The following TMEM63B variants were observed in gnomAD, a reference collection of about 807,000 sequenced individuals.
TMEM63B encodes transmembrane protein 63B, also known as mechanosensitive cation channel TMEM63B.
A neutral mutation model predicts 102.6 loss-of-function variants in TMEM63B; 23 were observed. The observed-to-expected ratio is 0.22, with a 90% confidence interval of 0.16 to 0.32. The LOEUF (loss-of-function observed/expected upper bound fraction) is 0.32. Among genes scored for constraint, TMEM63B ranks in the 10% least tolerant of loss-of-function variants. The probability of loss-of-function intolerance (pLI) is 1.00; values close to 1 mark genes in which losing one functional copy is unlikely to be tolerated. For missense variants in TMEM63B, 628 were observed against 1,095.9 expected (o/e 0.57, Z 6.03); for synonymous variants, 444 against 437.0 (o/e 1.02, Z -0.20).
intron 6 of TMEM63B, among the ~76,000 whole-genome samples, 199 bp from the exon 7 acceptor site, chr6:44,139,267 TC>T (rs1407385649): frequency 2.0e-5 from 3 of 149,838 alleles, no homozygotes; most frequent in Non-Finnish European, 4.4e-5. Flanking sequence ...TTTTTCTCCC[TC>T]CCCCTCTCTT....
chr6:44,139,860 C>G (rs2128237122), intron 8 of TMEM63B, 101 bp downstream of exon 8: 1 of 1,472,428 alleles, frequency 6.8e-7, no homozygotes, highest in East Asian at 2.3e-5. Context: ...GGGAGCAGAG[C>G]CTACAGGGAT....
At chr6:44,126,701 A>G (rs999236951), upstream of TMEM63B, among the ~76,000 whole-genome samples, 24 of 152,352 alleles carry the variant, frequency 1.6e-4, no homozygotes, top group African/African-American at 5.5e-4. Context: ...CAGGAACCAG[A>G]AATTAAATGA....
intron 10 of TMEM63B, 54 bp from the exon 11 acceptor site, chr6:44,146,793 C>T: frequency 1.3e-6 from 2 of 1,568,742 alleles, no homozygotes; most frequent in Non-Finnish European, 1.8e-6. Context: ...GGATGAAAGT[C>T]AGGGGCAGGT....
intron 1 of TMEM63B, among the ~76,000 whole-genome samples, chr6:44,132,615 G>C (rs1264003299): frequency 6.6e-6 from 1 of 152,150 alleles, no homozygotes; most frequent in African/African-American, 2.4e-5. Flanking sequence ...CCAGGGTTCT[G>C]TGCATCTTAT....
intron 1 of TMEM63B, among the ~76,000 whole-genome samples, chr6:44,129,867 G>A (rs1777940833): frequency 6.6e-6 from 1 of 152,090 alleles, no homozygotes; most frequent in Admixed American, 6.5e-5. Context: ...TTAATCCCCA[G>A]AACAACAACA....
In TMEM63B at chr6:44,143,567, GTTGTTTTTGTTT is replaced by G. The variant is rs1554197880; in HGVS notation, c.782+2484_782+2495del. Among the ~76,000 whole-genome samples, 1,179 of 132,078 alleles carry G rather than the reference GTTGTTTTTGTTT, an allele frequency of 8.9e-3. 12 individuals carry two copies. Among genetic ancestry groups the G allele is most frequent in the African/African-American group, 0.032 (1,074 of 33,972 alleles). The allele number at this position is 132,078 out of a possible 152,430, so 86.6% of individuals were successfully genotyped here. On this transcript the variant is annotated intron_variant, in intron 10 of 23. Coordinates refer to ENST00000323267, the MANE Select transcript of TMEM63B (RefSeq NM_018426.3). ...CAGCTTGTATTGAAATCTGGTGTTT[GTTGTTTTTGTTT>G]TTGTTTTTGTTTTTTGATACAAATA...
chr6:44,136,069 C>T (rs1762881658), intron 4 of TMEM63B, among the ~76,000 whole-genome samples: 1 of 152,204 alleles, frequency 6.6e-6, no homozygotes, highest in Admixed American at 6.5e-5. Context: ...GGCATTCTCG[C>T]TTCAGCCTCC....
intron 1 of TMEM63B, chr6:44,132,195 G>A (rs1582759066): frequency 2.2e-6 from 2 of 926,406 alleles, no homozygotes; most frequent in East Asian, 2.3e-4. Flanking sequence ...ATCTGAGTGT[G>A]CCCTGCCTTC....
In TMEM63B at chr6:44,138,736, G is replaced by GTCCCCCCC. The variant is rs567563400; in HGVS notation, c.407+219_407+220insTCCCCCCC. The GTCCCCCCC allele has an allele frequency of 2.6e-3, 743 of 287,674 alleles. 3 individuals are homozygous for GTCCCCCCC. The highest frequency in any genetic ancestry group is 3.2e-3 in the Non-Finnish European group (470 of 147,926). 17.8% of individuals were successfully genotyped at this position (287,674 alleles called of 1,614,324 possible). A position where few individuals can be genotyped will look rare whatever the true frequency, so the allele number is the denominator to read the frequency against. On this transcript the variant is annotated intron_variant, in intron 6 of 23. Coordinates refer to ENST00000323267, the MANE Select transcript of TMEM63B (RefSeq NM_018426.3). ...TAATCTCCTCTGTGACCCCCTGCCG[G>GTCCCCCCC]CCCCCCCGCTTCTCTCCCTGCCCTG...
chr6:44,139,557 C>A lies in TMEM63B; in HGVS notation c.498C>A (p.Gly166=). ...TCATCGGGCTGCTGGTGGTTGTGGGCGTCCTCTCCGTAGGCATCGTGCTGC... is the reference window on the plus strand; with the variant it reads ...TCATCGGGCTGCTGGTGGTTGTGGGAGTCCTCTCCGTAGGCATCGTGCTGC... ...RHIIGLLVVV[G]VLSVGIVLPV... is the part of the protein sequence containing the mutation. Residue 166 remains glycine (G), a synonymous_variant, in exon 7 of 24, where the codon GGC becomes GGA. Coordinates refer to ENST00000323267, the MANE Select transcript of TMEM63B (RefSeq NM_018426.3). 1 of 1,614,178 alleles carries A rather than the reference C, an allele frequency of 6.2e-7. No individual in the cohort carries two copies. The highest frequency in any genetic ancestry group is 8.5e-7 in the Non-Finnish European group (1 of 1,180,042).
intron 2 of TMEM63B, 88 bp from the exon 3 acceptor site, chr6:44,134,929 C>T: frequency 3.9e-6 from 6 of 1,546,428 alleles, no homozygotes; most frequent in Non-Finnish European, 5.3e-6. Flanking sequence ...CCTTCTAAGA[C>T]AAGATTTTGG....
intron 15 of TMEM63B, 133 bp from the exon 16 acceptor site, chr6:44,149,726 A>C: frequency 1.2e-5 from 8 of 656,738 alleles, no homozygotes; most frequent in African/African-American, 1.8e-5. Flanking sequence ...AGCCCTCCGG[A>C]TGTTCTGGGC....
rs1291060074 is a variant in TMEM63B, at chr6:44,138,741, C to T, written c.407+224C>T. 2.0e-5 allele frequency: 8 copies of T among 406,532 alleles called. No homozygotes were observed. In the East Asian group the frequency reaches 3.6e-4, roughly 18 times the overall value. The allele number at this position is 406,532 out of a possible 1,614,324, so 25.2% of individuals were successfully genotyped here. A position where few individuals can be genotyped will look rare whatever the true frequency, so the allele number is the denominator to read the frequency against. ...TCCTCTGTGACCCCCTGCCGGCCCC[C>T]CCGCTTCTCTCCCTGCCCTGCCCCA... On this transcript the variant is annotated intron_variant, in intron 6 of 23. Coordinates refer to ENST00000323267, the MANE Select transcript of TMEM63B (RefSeq NM_018426.3).
intron 2 of TMEM63B, 43 bp from the exon 3 acceptor site, chr6:44,134,973 GA>G: frequency 6.2e-7 from 1 of 1,606,726 alleles, no homozygotes; most frequent in Non-Finnish European, 8.5e-7. Context: ...CCAGCAGGTG[GA>G]CAGACAGCCT....
In TMEM63B at chr6:44,149,132, C is replaced by G. The variant is rs1766035730; in HGVS notation, c.1413+187C>G. 1.0e-5 allele frequency: 8 copies of G among 795,012 alleles called. No homozygotes were observed. In the South Asian group the frequency reaches 1.3e-4, roughly 13 times the overall value. 49.2% of individuals were successfully genotyped at this position (795,012 alleles called of 1,614,324 possible). A position where few individuals can be genotyped will look rare whatever the true frequency, so the allele number is the denominator to read the frequency against. ...CCTGCCACCTTCCCCCTGAGAGAGG[C>G]CACCCTCAGGTGTGCAACACCTGGA... On this transcript the variant is annotated intron_variant, in intron 15 of 23. Transcript: ENST00000323267.
chr6:44,148,705 G>A lies in TMEM63B; in HGVS notation c.1259+55G>A. On this transcript the variant is annotated intron_variant, in intron 14 of 23. Transcript: ENST00000323267. The surrounding 1 kb of genome is among the most constrained non-coding windows in gnomAD (Gnocchi z 5.1). ...CCAGGGCCTGGGATGGGCTCAGTAG[G>A]TAGGCGGAGGAGAGGGAGTGTCTTG... 2 of 1,611,038 alleles carry A rather than the reference G, an allele frequency of 1.2e-6. No individual in the cohort carries two copies. The highest frequency in any genetic ancestry group is 1.7e-6 in the Non-Finnish European group (2 of 1,177,646).
chr6:44,154,253 C>T (rs755741770), intron 22 of TMEM63B, 65 bp downstream of exon 22: 2 of 1,598,272 alleles, frequency 1.3e-6, no homozygotes, highest in Admixed American at 3.3e-5. Flanking sequence ...ATGCAGAGGG[C>T]CACAGGGCTG....
chr6:44,153,007 T>C (rs1767095413), intron 20 of TMEM63B, among the ~76,000 whole-genome samples: 1 of 152,228 alleles, frequency 6.6e-6, no homozygotes. Context: ...ACATACGTGC[T>C]GACATGTTCA....
At position 44,136,993 on chromosome 6, in the gene TMEM63B, TGA is replaced by T. The variant is rs568436364; in HGVS notation, c.369+557_369+558del. 2.8e-3 allele frequency among the ~76,000 whole-genome samples: 431 copies of T among 152,280 alleles called. 1 individual carries two copies. Among genetic ancestry groups the T allele is most frequent in the African/African-American group, 0.01 (418 of 41,554 alleles). ...GCGGGAGGCGGAGCTTGCAGTGAGC[TGA>T]GATGGCGCCACTGCACTCTAGCCTG... On this transcript the variant is annotated intron_variant, in intron 5 of 23. Transcript: ENST00000323267.
Sources: allele counts gnomAD v4.1 joint callset (sites outside exome capture counted in the v4.1 genomes callset), GRCh38; gene constraint gnomAD v4.1.1; non-coding constraint Gnocchi (gnomAD v3.1); transcripts MANE v1.5; gene names NCBI Gene and HGNC (gene_info 2026-07-23, HGNC 2026-07-21).